Variants in ADAMTS17 observed in about 807,000 individuals in gnomAD.
ADAMTS17 encodes ADAM metallopeptidase with thrombospondin type 1 motif 17.
ADAMTS17 carries 113 observed loss-of-function variants against 141.5 expected under a neutral mutation model. That is an observed-to-expected ratio of 0.80 (90% CI 0.69 to 0.93). The LOEUF is 0.93. Ranked by LOEUF, ADAMTS17 falls within the 40% of genes least tolerant of loss-of-function variation. The pLI is 0.00. For synonymous variants in ADAMTS17, 768 were observed against 630.6 expected (o/e 1.22, Z -3.27); for missense variants, 1,659 against 1,517.9 (o/e 1.09, Z -1.54).
At chr15:100,129,606 GGTGGTGCATGGCTATA>G (rs1005803064) in intron 12 of ADAMTS17, 2 of 152,228 alleles carry the variant, frequency 1.3e-5, no homozygotes, top group African/African-American at 4.8e-5. Flanking sequence ...AGCCGAGTGT[GGTGGTGCATGGCTATA>G]ATCCCAGCTA....
At chr15:100,214,060 T>C (rs2041892575) in intron 7 of ADAMTS17, among the ~76,000 whole-genome samples, 1 of 151,632 alleles carries the variant, frequency 6.6e-6, no homozygotes. Flanking sequence ...TTTTGTTTTT[T>C]GTTTGTTTGT....
At chr15:99,984,229 G>A (rs903364411) in intron 20 of ADAMTS17, among the ~76,000 whole-genome samples, 5 of 152,200 alleles carry the variant, frequency 3.3e-5, no homozygotes, top group Admixed American at 2.6e-4. Flanking sequence ...GGGCCGGGTC[G>A]CCTCCAGAGC....
intron 10 of ADAMTS17, among the ~76,000 whole-genome samples, chr15:100,148,964 A>C (rs915397239): frequency 2.6e-5 from 4 of 152,248 alleles, no homozygotes; most frequent in African/African-American, 9.6e-5. Flanking sequence ...AAGGAAAACC[A>C]GTACAGCTGG....
intron 3 of ADAMTS17, among the ~76,000 whole-genome samples, chr15:100,289,216 C>G (rs1266454392): frequency 6.6e-6 from 1 of 152,178 alleles, no homozygotes. Context: ...ATGAACACCT[C>G]TATGCACACA....
chr15:99,988,442 G>A (rs1162803133), intron 20 of ADAMTS17, among the ~76,000 whole-genome samples: 2 of 152,162 alleles, frequency 1.3e-5, no homozygotes, highest in African/African-American at 4.8e-5. Context: ...CCAGCATGGT[G>A]CTTCCTATAC....
chr15:100,050,825 A>G (rs919677580), intron 17 of ADAMTS17, among the ~76,000 whole-genome samples: 2 of 152,056 alleles, frequency 1.3e-5, no homozygotes, highest in African/African-American at 4.8e-5. Context: ...ATCTCCCATG[A>G]CCCTTCTATG....
chr15:100,127,809 T>G (rs904737796), intron 12 of ADAMTS17, among the ~76,000 whole-genome samples: 7 of 152,142 alleles, frequency 4.6e-5, no homozygotes, highest in Non-Finnish European at 8.8e-5. Flanking sequence ...CTTGAACTCC[T>G]GACCTCAGGT....
At chr15:100,254,205 G>C (rs886471806) in intron 6 of ADAMTS17, 26 bp from the exon 7 acceptor site, 1 of 1,603,160 alleles carries the variant, frequency 6.2e-7, no homozygotes, top group African/African-American at 1.3e-5. Flanking sequence ...GCCATCATCA[G>C]GTATATGCAG....
intron 7 of ADAMTS17, among the ~76,000 whole-genome samples, chr15:100,223,716 CAT>C (rs963204603): frequency 6.6e-6 from 1 of 150,598 alleles, no homozygotes; most frequent in Non-Finnish European, 1.5e-5. Flanking sequence ...TATGTATATA[CAT>C]ATAGTGTATA....
chr15:100,243,737 C>T (rs186236259), intron 7 of ADAMTS17, among the ~76,000 whole-genome samples: 5 of 147,012 alleles, frequency 3.4e-5, no homozygotes, highest in East Asian at 2.0e-4. Flanking sequence ...TTGTAGTGAG[C>T]GGAGATCCTG....
At chr15:100,234,137 T>C (rs574207549) in intron 7 of ADAMTS17, among the ~76,000 whole-genome samples, 2 of 152,014 alleles carry the variant, frequency 1.3e-5, no homozygotes, top group Non-Finnish European at 2.9e-5. Context: ...GCCGGTGTGG[T>C]TCAAAGAGGT....
At chr15:100,057,025 C>T (rs573433630) in intron 15 of ADAMTS17, among the ~76,000 whole-genome samples, 14 of 152,156 alleles carry the variant, frequency 9.2e-5, no homozygotes, top group East Asian at 1.9e-4. Flanking sequence ...CAACGCCACC[C>T]GCAGTGTGTG....
At chr15:100,105,152 G>A (rs546352433) in intron 14 of ADAMTS17, among the ~76,000 whole-genome samples, 1 of 152,306 alleles carries the variant, frequency 6.6e-6, no homozygotes, top group Admixed American at 6.5e-5. Flanking sequence ...CCAGGATGGT[G>A]GCTCTTTTGT....
chr15:100,056,322 G>C (rs896971812), intron 15 of ADAMTS17, among the ~76,000 whole-genome samples: 4 of 152,096 alleles, frequency 2.6e-5, no homozygotes, highest in East Asian at 1.9e-4. Context: ...TGGTGGGAAG[G>C]AGCAGATAGA....
At chr15:99,975,190 C>G (rs889353788) in intron 21 of ADAMTS17, among the ~76,000 whole-genome samples, 16 of 152,186 alleles carry the variant, frequency 1.1e-4, no homozygotes, top group Non-Finnish European at 1.8e-4. Context: ...AAAGCAGAAA[C>G]TCTGTTAAAA....
chr15:100,297,551 C>T (rs775581449), intron 3 of ADAMTS17, among the ~76,000 whole-genome samples: 1 of 152,156 alleles, frequency 6.6e-6, no homozygotes, highest in Non-Finnish European at 1.5e-5. Flanking sequence ...AAAGAAGAGG[C>T]ACCATCAAGG....
intron 19 of ADAMTS17, among the ~76,000 whole-genome samples, chr15:99,995,301 T>G (rs1234571406): frequency 6.6e-6 from 1 of 152,244 alleles, no homozygotes; most frequent in Non-Finnish European, 1.5e-5. Flanking sequence ...CATTTCTGCC[T>G]AAGTTCACTC....
rs1048023815 is a variant in ADAMTS17 at position 99,996,216 on chromosome 15, G to A, written c.2796+1169C>T. On this transcript the variant is annotated intron_variant, in intron 19 of 21. Transcript: ENST00000268070. The stretch of plus-strand genomic sequence containing the variant: ...ATTACAGGCATGCGCCACCATGCCC[G>A]GCTAATTTTTTGTATTTAGTAGAGA... Among the ~76,000 whole-genome samples the A allele has an allele frequency of 4.6e-5, 7 of 152,050 alleles. No individual in the cohort carries two copies. In the South Asian group the frequency reaches 1.2e-3, roughly 27 times the overall value.
intron 12 of ADAMTS17, among the ~76,000 whole-genome samples, chr15:100,118,802 C>T (rs1051857205): frequency 4.6e-5 from 7 of 152,100 alleles, no homozygotes; most frequent in Non-Finnish European, 8.8e-5. Context: ...TCCCCACGAG[C>T]GGGCACCGGA....
Sources: allele counts gnomAD v4.1 joint callset (sites outside exome capture counted in the v4.1 genomes callset), GRCh38; gene constraint gnomAD v4.1.1; transcripts MANE v1.5; gene names NCBI Gene and HGNC (gene_info 2026-07-23, HGNC 2026-07-21).